The following TAB2 variants were observed in gnomAD, a reference collection of about 807,000 sequenced individuals.
The protein encoded by TAB2 is TGF-beta-activated kinase 1 and MAP3K7-binding protein 2.
In TAB2, 3 loss-of-function variants were observed where a neutral mutation model predicts 65.0. That is an observed-to-expected ratio of 0.05 (90% CI 0.02 to 0.12). The LOEUF (loss-of-function observed/expected upper bound fraction) is 0.12. TAB2 is among the 10% of genes least tolerant of loss of function. TAB2 has a pLI of 1.00. For synonymous variants in TAB2, 298 were observed against 285.1 expected, an observed-to-expected ratio of 1.05 and a Z score of -0.46; for missense variants, 623 against 840.3, an observed-to-expected ratio of 0.74 and a Z score of 3.20.
upstream of TAB2, among the ~76,000 whole-genome samples, chr6:149,316,368 G>C (rs1779251735): frequency 6.6e-6 from 1 of 152,204 alleles, no homozygotes; most frequent in African/African-American, 2.4e-5. Context: ...TTTTAACTGT[G>C]AGGAAGGCTC....
At chr6:149,361,638 G>C (rs1056180859) in intron 1 of TAB2, among the ~76,000 whole-genome samples, 1 of 152,284 alleles carries the variant, frequency 6.6e-6, no homozygotes, top group African/African-American at 2.4e-5. Flanking sequence ...AGCAAGTGGT[G>C]AGTCCACTTG....
chr6:149,341,196 TTAC>T (rs1419125842), intron 1 of TAB2, among the ~76,000 whole-genome samples: 1 of 152,170 alleles, frequency 6.6e-6, no homozygotes, highest in Admixed American at 6.5e-5. Flanking sequence ...GTCTTCTTGT[TTAC>T]TACTAATTCT....
At chr6:149,311,916 C>T (rs1562409571) in intron 1 of TAB2, among the ~76,000 whole-genome samples, 1 of 152,182 alleles carries the variant, frequency 6.6e-6, no homozygotes, top group Non-Finnish European at 1.5e-5. Flanking sequence ...CCAAGCTCAG[C>T]TTAAAGATAG....
chr6:149,379,093 C>T lies in TAB2; in HGVS notation c.1178C>T (p.Ala393Val), dbSNP rs1781515697. The T allele has an allele frequency of 6.2e-7, 1 of 1,614,044 alleles. No individual in the cohort carries two copies. Among genetic ancestry groups the T allele is most frequent in the Non-Finnish European group, 8.5e-7 (1 of 1,180,042 alleles). The change falls in exon 3 of 7, where the codon GCT becomes GTT. Residue 393 changes from alanine (A) to valine (V), a missense_variant. Coordinates refer to ENST00000637181, the MANE Select transcript of TAB2 (RefSeq NM_001292034.3). The part of the protein sequence containing the change: ...SQPKVYISAN[A>V]ATGDEQVMRN... ...CCTAAGGTCTATATTTCAGCGAATG[C>T]TGCCACAGGAGATGAACAGGTCATG...
intron 1 of TAB2, among the ~76,000 whole-genome samples, chr6:149,260,341 G>A (rs187819916): frequency 4.1e-4 from 62 of 152,350 alleles, no homozygotes; most frequent in African/African-American, 1.4e-3. Context: ...GACCCACCGC[G>A]TGCTCCAGCG....
intron 1 of TAB2, among the ~76,000 whole-genome samples, chr6:149,255,019 T>C (rs989227661): frequency 6.6e-6 from 1 of 152,204 alleles, no homozygotes; most frequent in African/African-American, 2.4e-5. Context: ...GTATTTTGCA[T>C]GGAAGAAGGA....
intron 1 of TAB2, among the ~76,000 whole-genome samples, chr6:149,330,930 G>A (rs898087383): frequency 2.6e-5 from 4 of 152,066 alleles, no homozygotes; most frequent in African/African-American, 4.8e-5. Context: ...TCAGATAGCC[G>A]TAATTGTGAG....
intron 1 of TAB2, among the ~76,000 whole-genome samples, chr6:149,290,139 T>C (rs957136805): frequency 6.6e-6 from 1 of 152,184 alleles, no homozygotes; most frequent in African/African-American, 2.4e-5. Context: ...TGTGTTGATG[T>C]TAATGCTGGT....
chr6:149,269,819 C>T (rs913768564), intron 1 of TAB2, among the ~76,000 whole-genome samples: 2 of 152,156 alleles, frequency 1.3e-5, no homozygotes, highest in Non-Finnish European at 2.9e-5. Context: ...ATGAATGTAT[C>T]ACATTTTGTT....
intron 1 of TAB2, chr6:149,243,411 C>T (rs1777639129): frequency 6.6e-6 from 1 of 152,226 alleles, no homozygotes. Context: ...ATCAAGTAGA[C>T]TAGTCAGAAG....
At chr6:149,303,290 C>T (rs192455956) in intron 1 of TAB2, among the ~76,000 whole-genome samples, 80 of 152,320 alleles carry the variant, frequency 5.3e-4, no homozygotes, top group African/African-American at 1.9e-3. Flanking sequence ...ATCCCAAAAC[C>T]ATCCTTTCCA....
intron 1 of TAB2, among the ~76,000 whole-genome samples, chr6:149,290,603 G>A (rs1400923187): frequency 1.3e-5 from 2 of 152,094 alleles, no homozygotes; most frequent in African/African-American, 4.8e-5. Flanking sequence ...CAGCACTCTG[G>A]GAGGCCAAGG....
chr6:149,315,925 A>C (rs1224745588), upstream of TAB2, among the ~76,000 whole-genome samples: 2 of 152,208 alleles, frequency 1.3e-5, no homozygotes, highest in Non-Finnish European at 2.9e-5. Flanking sequence ...GTACATGTAC[A>C]TTCCATAAAT....
chr6:149,269,349 G>A (rs1203674886), intron 1 of TAB2, among the ~76,000 whole-genome samples: 1 of 152,140 alleles, frequency 6.6e-6, no homozygotes, highest in African/African-American at 2.4e-5. Flanking sequence ...TATGAATTAT[G>A]TGTATGTGAT....
At chr6:149,283,721 C>A (rs558333174) in intron 1 of TAB2, among the ~76,000 whole-genome samples, 37 of 152,056 alleles carry the variant, frequency 2.4e-4, no homozygotes, top group Admixed American at 2.4e-3. Context: ...AAAAACAAAA[C>A]AAACAAACAA....
chr6:149,284,913 C>T (rs373247601), intron 1 of TAB2, among the ~76,000 whole-genome samples: 3 of 152,088 alleles, frequency 2.0e-5, no homozygotes, highest in Admixed American at 6.6e-5. Context: ...GTCCATCATC[C>T]CCACACCTTC....
chr6:149,409,917 C>T lies in TAB2; in HGVS notation c.*198C>T, dbSNP rs1283471784. ...TGTCATGAGCAGTTGAAATTCATCACATGAAAAGTAATCTGCTGAAAGACT... is the reference window on the plus strand; with the variant it reads ...TGTCATGAGCAGTTGAAATTCATCATATGAAAAGTAATCTGCTGAAAGACT... On this transcript the variant is annotated 3_prime_UTR_variant, in exon 7 of 7. Coordinates refer to ENST00000637181, the MANE Select transcript of TAB2 (RefSeq NM_001292034.3). 3.1e-6 allele frequency: 2 copies of T among 645,020 alleles called. No homozygotes were observed. The highest frequency in any genetic ancestry group is 5.4e-6 in the Non-Finnish European group (2 of 373,506). 40.0% of individuals were successfully genotyped at this position (645,020 alleles called of 1,614,324 possible). A position where few individuals can be genotyped will look rare whatever the true frequency, so the allele number is the denominator to read the frequency against.
At chr6:149,283,635 G>A (rs1036085396) in intron 1 of TAB2, among the ~76,000 whole-genome samples, 5 of 152,074 alleles carry the variant, frequency 3.3e-5, no homozygotes, top group African/African-American at 7.2e-5. Flanking sequence ...ACTTGAACCC[G>A]AGAGGCAGAG....
chr6:149,393,457 T>A (rs61259243), intron 3 of TAB2, among the ~76,000 whole-genome samples: 1 of 152,066 alleles, frequency 6.6e-6, no homozygotes, highest in Non-Finnish European at 1.5e-5. Flanking sequence ...CTGAAGAATT[T>A]ACTCTTTAAC....
Sources: allele counts gnomAD v4.1 joint callset (sites outside exome capture counted in the v4.1 genomes callset), GRCh38; gene constraint gnomAD v4.1.1; transcripts MANE v1.5; gene names NCBI Gene and HGNC (gene_info 2026-07-23, HGNC 2026-07-21).